Variants in ATG7 observed in about 807,000 individuals in gnomAD.
ATG7 encodes the protein autophagy related 7, also known as ubiquitin-like modifier-activating enzyme ATG7.
ATG7 carries 70 observed loss-of-function variants against 82.4 expected under a neutral mutation model. That is an observed-to-expected ratio of 0.85 (90% confidence interval 0.70 to 1.04). The LOEUF (loss-of-function observed/expected upper bound fraction) is 1.04, where lower values mean the gene tolerates loss of function less well. Among genes scored for constraint, ATG7 ranks in the 50% least tolerant of loss-of-function variants. The pLI, the probability that ATG7 is intolerant of heterozygous loss-of-function variation, is 0.00. For synonymous variants in ATG7, 287 were observed against 313.0 expected (o/e 0.92, Z 0.88); for missense variants, 792 against 864.3 (o/e 0.92, Z 1.05).
rs150049672 is a variant in ATG7, at chr3:11,446,166, G to A, written c.2079+19240G>A. Among the ~76,000 whole-genome samples the A allele has an allele frequency of 1.1e-3, 164 of 150,798 alleles. 1 individual carries two copies. The highest frequency in any genetic ancestry group is 3.7e-3 in the African/African-American group (150 of 40,938). ...AAGTATTGGCTGGGTTAGAGCAGCA[G>A]TTCTGAACCTTGGCTGCCCATCAGA... On this transcript the variant is annotated intron_variant, in intron 20 of 20. Transcript: ENST00000693202.
intron 18 of ATG7, among the ~76,000 whole-genome samples, chr3:11,379,086 T>TAA (rs988224905): frequency 6.6e-6 from 1 of 152,140 alleles, no homozygotes; most frequent in Admixed American, 6.5e-5. Flanking sequence ...CTCCATTACT[T>TAA]ACTGTTTACC....
chr3:11,479,162 T>A (rs1193212033), intron 20 of ATG7, among the ~76,000 whole-genome samples: 1 of 152,182 alleles, frequency 6.6e-6, no homozygotes, highest in Non-Finnish European at 1.5e-5. Flanking sequence ...TGATGCCAAT[T>A]TTCTTTTCAC....
At chr3:11,494,423 A>C (rs928532709) in intron 20 of ATG7, among the ~76,000 whole-genome samples, 1 of 152,144 alleles carries the variant, frequency 6.6e-6, no homozygotes, top group African/African-American at 2.4e-5. Context: ...ATTAAGACAA[A>C]TGTAACTTTA....
At chr3:11,539,495 A>G (rs2070642594) in intron 20 of ATG7, among the ~76,000 whole-genome samples, 1 of 140,826 alleles carries the variant, frequency 7.1e-6, no homozygotes, top group South Asian at 2.5e-4. Flanking sequence ...TGTTCTCCTT[A>G]AAATGGTTGG....
chr3:11,456,682 G>A (rs1249996433), intron 20 of ATG7, among the ~76,000 whole-genome samples: 1 of 152,074 alleles, frequency 6.6e-6, no homozygotes, highest in Non-Finnish European at 1.5e-5. Context: ...CCCCACTACC[G>A]ACCACTGTGT....
chr3:11,388,891 A>G (rs1575967381), intron 19 of ATG7, among the ~76,000 whole-genome samples: 1 of 152,130 alleles, frequency 6.6e-6, no homozygotes, highest in Non-Finnish European at 1.5e-5. Flanking sequence ...TTTTATGGAC[A>G]TATATGGTCT....
intron 20 of ATG7, among the ~76,000 whole-genome samples, chr3:11,481,595 AGAGCAG>A (rs1370104739): frequency 6.6e-6 from 1 of 152,234 alleles, no homozygotes; most frequent in African/African-American, 2.4e-5. Flanking sequence ...ATCAGAAATA[AGAGCAG>A]GATCTCCTCT....
chr3:11,453,258 A>G (rs1319162408), intron 20 of ATG7, among the ~76,000 whole-genome samples: 3 of 152,260 alleles, frequency 2.0e-5, no homozygotes, highest in Non-Finnish European at 4.4e-5. Context: ...GAAAGTGTGG[A>G]AAGGCCTGTC....
rs140987655 is a variant in ATG7 at position 11,539,685 on chromosome 3, G to A, written c.2080-15126G>A. ...GTTTTTATATTGTGAAACTCCCCCC[G>A]TCTTAAGCTATATTCGTTTTCTCTT... is the stretch of plus-strand genomic sequence containing the variant. On this transcript the variant is annotated intron_variant, in intron 20 of 20. Transcript: ENST00000693202. Among the ~76,000 whole-genome samples, 320 of 152,274 alleles carry A rather than the reference G, an allele frequency of 2.1e-3. 1 individual carries two copies. Among genetic ancestry groups the A allele is most frequent in the Non-Finnish European group, 3.7e-3 (250 of 68,028 alleles).
intron 20 of ATG7, among the ~76,000 whole-genome samples, chr3:11,553,758 G>T (rs2072075946): frequency 6.6e-6 from 1 of 152,192 alleles, no homozygotes; most frequent in Non-Finnish European, 1.5e-5. Flanking sequence ...CTCAGCCTGG[G>T]AGCTGGGTCC....
intron 18 of ATG7, 147 bp from the exon 19 acceptor site, chr3:11,379,825 A>T: frequency 1.4e-6 from 1 of 715,106 alleles, no homozygotes; most frequent in Non-Finnish European, 2.4e-6. Context: ...AAGGGAAAAT[A>T]CTCATTTCGA....
intron 20 of ATG7, among the ~76,000 whole-genome samples, chr3:11,471,051 C>CTAGA (rs751913535): frequency 2.0e-5 from 3 of 152,150 alleles, no homozygotes; most frequent in Non-Finnish European, 4.4e-5. Context: ...TTCTCATTGA[C>CTAGA]TAGAGCAGGC....
Position 11,360,657 on chromosome 3 carries a change from G to A in ATG7, c.1556G>A (p.Gly519Glu). 1 of 1,614,146 alleles carries A rather than the reference G, an allele frequency of 6.2e-7. No individual in the cohort carries two copies. The highest frequency in any genetic ancestry group is 8.5e-7 in the Non-Finnish European group (1 of 1,180,028). Residue 519 changes from glycine to glutamate, a missense_variant, in exon 16 of 21, where the codon GGA becomes GAA. Physicochemically the swap from Gly to Glu is moderately conservative, Grantham distance 98. Transcript: ENST00000693202. ...RHGLKKPKQQ[G>E]AGDLCPNHPV... ...GGTCTGAAGAAACCAAAGCAGCAAGGAGCTGGGGACTTGTGTCCAAACCAC... is the reference window on the plus strand; with the variant it reads ...GGTCTGAAGAAACCAAAGCAGCAAGAAGCTGGGGACTTGTGTCCAAACCAC...
At chr3:11,451,427 T>A (rs993354122) in intron 20 of ATG7, among the ~76,000 whole-genome samples, 1 of 152,120 alleles carries the variant, frequency 6.6e-6, no homozygotes, top group Non-Finnish European at 1.5e-5. Context: ...GGCTAGCTGG[T>A]CCTGACCTCC....
At chr3:11,425,465 A>G (rs1307394235) in intron 19 of ATG7, among the ~76,000 whole-genome samples, 1 of 152,178 alleles carries the variant, frequency 6.6e-6, no homozygotes, top group Admixed American at 6.5e-5. Context: ...TATGTCTTCA[A>G]TGTCTGCTAT....
chr3:11,457,307 A>T (rs2085837092), intron 20 of ATG7, among the ~76,000 whole-genome samples: 1 of 152,046 alleles, frequency 6.6e-6, no homozygotes, highest in African/African-American at 2.4e-5. Flanking sequence ...ACTGGGGAGG[A>T]GAAGCAGCTG....
intron 20 of ATG7, among the ~76,000 whole-genome samples, chr3:11,460,581 C>G (rs1489815124): frequency 6.6e-6 from 1 of 152,134 alleles, no homozygotes; most frequent in Non-Finnish European, 1.5e-5. Context: ...AGAGTACTTC[C>G]CATTCAAGAG....
intron 20 of ATG7, among the ~76,000 whole-genome samples, chr3:11,545,153 CG>C (rs1386802240): frequency 6.6e-6 from 1 of 151,578 alleles, no homozygotes; most frequent in Non-Finnish European, 1.5e-5. Flanking sequence ...GAGAGGGTGC[CG>C]GGGTGGGGAG....
intron 18 of ATG7, among the ~76,000 whole-genome samples, chr3:11,375,836 C>T (rs977677078): frequency 1.3e-5 from 2 of 152,172 alleles, no homozygotes; most frequent in Non-Finnish European, 2.9e-5. Context: ...GGGATTCAGG[C>T]GTGAGCCACT....
Sources: allele counts gnomAD v4.1 joint callset (sites outside exome capture counted in the v4.1 genomes callset), GRCh38; gene constraint gnomAD v4.1.1; transcripts MANE v1.5; gene names NCBI Gene and HGNC (gene_info 2026-07-23, HGNC 2026-07-21).